The following RERE variants were observed in gnomAD, a reference collection of about 807,000 sequenced individuals.
The protein encoded by RERE is arginine-glutamic acid dipeptide repeats protein.
Under a neutral mutation model 146.1 loss-of-function variants are expected in RERE, and 40 were observed. The ratio of observed to expected loss-of-function variants is 0.27; its 90% CI spans 0.21 to 0.36. The LOEUF is 0.36. RERE is among the 10% of genes least tolerant of loss of function. The probability of loss-of-function intolerance (pLI) is 1.00; values close to 1 mark genes in which losing one functional copy is unlikely to be tolerated. For missense variants in RERE, 1,933 were observed against 2,138.7 expected, an observed-to-expected ratio of 0.90 and a Z score of 1.90; for synonymous variants, 1,003 against 866.0, an observed-to-expected ratio of 1.16 and a Z score of -2.78.
chr1:8,706,985 A>C (rs777942284), intron 1 of RERE, among the ~76,000 whole-genome samples: 5 of 152,172 alleles, frequency 3.3e-5, no homozygotes, highest in Non-Finnish European at 5.9e-5. Context: ...ATCCCTCCCA[A>C]ATTAATACTC....
chr1:8,725,729 A>G (rs1161208583), intron 1 of RERE, among the ~76,000 whole-genome samples: 1 of 152,248 alleles, frequency 6.6e-6, no homozygotes, highest in East Asian at 1.9e-4. Flanking sequence ...TTCTTTCCAA[A>G]CCATATTTGA....
intron 1 of RERE, among the ~76,000 whole-genome samples, chr1:8,760,234 C>G (rs1407857318): frequency 2.0e-5 from 3 of 152,152 alleles, no homozygotes; most frequent in African/African-American, 7.2e-5. Context: ...ATCATGTTGG[C>G]CAGACTGGTC....
chr1:8,389,402 C>T (rs72866014), intron 12 of RERE, among the ~76,000 whole-genome samples: 3,160 of 152,286 alleles, frequency 0.021, 119 homozygotes, highest in African/African-American at 0.073. Context: ...TCTTTATTCA[C>T]GGCCATTTCA....
chr1:8,710,267 GA>G (rs1206189517), intron 1 of RERE, among the ~76,000 whole-genome samples: 1 of 152,158 alleles, frequency 6.6e-6, no homozygotes, highest in African/African-American at 2.4e-5. Context: ...GTCCTGGGGG[GA>G]CTGTTGCAAT....
intron 10 of RERE, among the ~76,000 whole-genome samples, chr1:8,477,408 G>A (rs1451216620): frequency 1.3e-5 from 2 of 152,176 alleles, no homozygotes; most frequent in Non-Finnish European, 2.9e-5. Flanking sequence ...AGCTGAGAAA[G>A]ACCTATGTCT....
chr1:8,463,331 T>C (rs2124116887), intron 11 of RERE, among the ~76,000 whole-genome samples: 1 of 152,286 alleles, frequency 6.6e-6, no homozygotes, highest in Non-Finnish European at 1.5e-5. Context: ...GCAAACATGA[T>C]AAAAATGACC....
intron 4 of RERE, among the ~76,000 whole-genome samples, chr1:8,596,808 G>T (rs865898775): frequency 6.6e-6 from 1 of 151,638 alleles, no homozygotes; most frequent in Non-Finnish European, 1.5e-5. Context: ...TAACACACCT[G>T]GCCAGAAAAC....
chr1:8,423,849 G>T lies in RERE; in HGVS notation c.1204-1042C>A, dbSNP rs1450589433. 1.3e-5 allele frequency among the ~76,000 whole-genome samples: 2 copies of T among 148,974 alleles called. No homozygotes were observed. The highest frequency in any genetic ancestry group is 2.4e-5 in the African/African-American group (1 of 40,974). Reference sequence around the variant, plus strand: ...GCAAAAGGCGGCCTGGATTGCCGCCGCCCTCCTGTCCGCCAGCCGGGGCCC... The same window carrying T: ...GCAAAAGGCGGCCTGGATTGCCGCCTCCCTCCTGTCCGCCAGCCGGGGCCC... On this transcript the variant is annotated intron_variant, in intron 11 of 22. Transcript: ENST00000400908. This position sits in a 1 kb window ranked among gnomAD's most constrained non-coding sequence, Gnocchi z 5.4.
chr1:8,437,190 C>A (rs990211279), intron 11 of RERE, among the ~76,000 whole-genome samples: 1 of 152,202 alleles, frequency 6.6e-6, no homozygotes, highest in Non-Finnish European at 1.5e-5. Context: ...CGACCAGCAC[C>A]AGGGCCTTCC....
At chr1:8,381,103 C>T (rs1367419681) in intron 12 of RERE, 5 of 436,874 alleles carry the variant, frequency 1.1e-5, no homozygotes, top group Admixed American at 2.5e-5. Flanking sequence ...ACCTCATACA[C>T]ACTTTACTGA....
At chr1:8,469,615 C>A (rs890181993) in intron 10 of RERE, among the ~76,000 whole-genome samples, 1 of 151,754 alleles carries the variant, frequency 6.6e-6, no homozygotes, top group Non-Finnish European at 1.5e-5. Context: ...AGAGTGAGAC[C>A]CCGTCTCAAA....
At chr1:8,462,892 A>G (rs1196561179) in intron 11 of RERE, among the ~76,000 whole-genome samples, 3 of 152,150 alleles carry the variant, frequency 2.0e-5, no homozygotes, top group South Asian at 4.1e-4. Context: ...TAGTAATGAT[A>G]ATAATAAAAA....
chr1:8,679,721 A>C (rs913451999), intron 1 of RERE, among the ~76,000 whole-genome samples: 7 of 152,214 alleles, frequency 4.6e-5, no homozygotes, highest in African/African-American at 1.7e-4. Flanking sequence ...AAAATCAATA[A>C]ATTACCTCCG....
At chr1:8,369,245 C>A (rs1360403123) in intron 12 of RERE, among the ~76,000 whole-genome samples, 1 of 151,984 alleles carries the variant, frequency 6.6e-6, no homozygotes, top group African/African-American at 2.4e-5. Context: ...AGCCAGAGTT[C>A]AGTGAGGTAA....
intron 1 of RERE, among the ~76,000 whole-genome samples, chr1:8,776,330 C>T (rs1351899635): frequency 2.0e-5 from 3 of 152,196 alleles, no homozygotes; most frequent in Non-Finnish European, 2.9e-5. Flanking sequence ...CAGGGGCTCC[C>T]TCTGTAGCCC....
rs1317600854 is a variant in RERE, at chr1:8,616,879, T to C, written c.397-2193A>G. Among the ~76,000 whole-genome samples, 4 of 152,224 alleles carry C rather than the reference T, an allele frequency of 2.6e-5. No individual in the cohort carries two copies. The East Asian group carries it at 5.8e-4, about 22-fold the overall frequency. ...GATTATTTATTCCCAAGGCCTCATT[T>C]TGATTTCCACTTATGTTAATACCAC... On this transcript the variant is annotated intron_variant, in intron 3 of 22. Coordinates refer to ENST00000400908, the MANE Select transcript of RERE (RefSeq NM_001042681.2).
At position 8,612,739 on chromosome 1, in the gene RERE, T is replaced by C. The variant is rs186836773; in HGVS notation, c.522+1822A>G. Among the ~76,000 whole-genome samples, 1,025 of 152,324 alleles carry C rather than the reference T, an allele frequency of 6.7e-3. 11 individuals are homozygous for C. Among genetic ancestry groups the C allele is most frequent in the Non-Finnish European group, 5.8e-3 (392 of 68,030 alleles). ...GAAAGTAAAACCTACTTTTTAGATA[T>C]ATGTGGAAATAAGACATATCGGTAA... is the stretch of plus-strand genomic sequence containing the variant. On this transcript the variant is annotated intron_variant, in intron 4 of 22. Transcript: ENST00000400908.
intron 1 of RERE, among the ~76,000 whole-genome samples, chr1:8,683,083 T>C (rs548914223): frequency 1.6e-5 from 2 of 128,800 alleles, no homozygotes; most frequent in South Asian, 2.5e-4. Context: ...TCTATTAGTA[T>C]AATCATCAAG....
chr1:8,815,861 G>GTGTA (rs948203300), intron 1 of RERE, among the ~76,000 whole-genome samples: 1 of 151,548 alleles, frequency 6.6e-6, no homozygotes, highest in African/African-American at 2.4e-5. Flanking sequence ...GTGTGTGTGT[G>GTGTA]TATATGTGTG....
Sources: allele counts gnomAD v4.1 joint callset (sites outside exome capture counted in the v4.1 genomes callset), GRCh38; gene constraint gnomAD v4.1.1; non-coding constraint Gnocchi (gnomAD v3.1); transcripts MANE v1.5; gene names NCBI Gene and HGNC (gene_info 2026-07-23, HGNC 2026-07-21).